Variants in TRIM9 observed in about 807,000 individuals in gnomAD.
The protein encoded by TRIM9 is E3 ubiquitin-protein ligase TRIM9.
In TRIM9, 26 loss-of-function variants were observed where a neutral mutation model predicts 78.3. The ratio of observed to expected loss-of-function variants is 0.33; its 90% CI spans 0.24 to 0.46. The LOEUF is 0.46. Ranked by LOEUF, TRIM9 falls within the 20% of genes least tolerant of loss-of-function variation. The pLI is 1.00. For synonymous variants in TRIM9, 398 were observed against 416.5 expected (o/e 0.96, Z 0.54); for missense variants, 787 against 1,036.4 (o/e 0.76, Z 3.30).
chr14:50,992,487 C>A (rs1279026871), intron 7 of TRIM9, among the ~76,000 whole-genome samples: 2 of 151,738 alleles, frequency 1.3e-5, no homozygotes, highest in Non-Finnish European at 2.9e-5. Flanking sequence ...GCAGGAGGAT[C>A]ACTTGAGCCC....
At position 51,084,456 on chromosome 14, in the gene TRIM9, T is replaced by C. The variant is rs113154711; in HGVS notation, c.822+9662A>G. The stretch of plus-strand genomic sequence containing the variant: ...GACACAAGGTAGTGTGTAAACATCA[T>C]TCAGCTTCATACTGCATTGATTATG... On this transcript the variant is annotated intron_variant, in intron 1 of 12. Transcript: ENST00000684578. Among the ~76,000 whole-genome samples the C allele has an allele frequency of 9.4e-4, 143 of 152,350 alleles. 1 individual carries two copies. Among genetic ancestry groups the C allele is most frequent in the African/African-American group, 3.2e-3 (134 of 41,578 alleles).
At chr14:51,053,466 C>G (rs1303615087) in intron 1 of TRIM9, among the ~76,000 whole-genome samples, 2 of 145,656 alleles carry the variant, frequency 1.4e-5, no homozygotes, top group Non-Finnish European at 1.5e-5. Flanking sequence ...GAGAATGTCT[C>G]AGACACACAA....
chr14:51,061,494 A>T (rs1425492270), intron 1 of TRIM9, among the ~76,000 whole-genome samples: 2 of 151,460 alleles, frequency 1.3e-5, no homozygotes, highest in Non-Finnish European at 2.9e-5. Flanking sequence ...TGATACATGT[A>T]CAATTTTTTC....
chr14:50,977,222 C>A lies in TRIM9; in HGVS notation c.*69G>T. The A allele has an allele frequency of 7.5e-7, 1 of 1,330,384 alleles. No homozygotes were observed. The highest frequency in any genetic ancestry group is 2.8e-5 in the Admixed American group (1 of 36,088). The allele number at this position is 1,330,384 out of a possible 1,614,324, so 82.4% of individuals were successfully genotyped here. A position where few individuals can be genotyped will look rare whatever the true frequency, so the allele number is the denominator to read the frequency against. On this transcript the variant is annotated 3_prime_UTR_variant, in exon 13 of 13. Transcript: ENST00000684578. ...CAACTCTGCACCCCACCACGGCTGG[C>A]TGAGCTCCTTGCTGTGGCTCTCGCA...
At chr14:50,994,619 G>A (rs1179603668) in intron 7 of TRIM9, among the ~76,000 whole-genome samples, 1 of 152,206 alleles carries the variant, frequency 6.6e-6, no homozygotes, top group Non-Finnish European at 1.5e-5. Flanking sequence ...GTCCTATCCT[G>A]TTCTCAGCCC....
intron 3 of TRIM9, among the ~76,000 whole-genome samples, chr14:51,011,377 A>G (rs2056564301): frequency 6.6e-6 from 1 of 152,172 alleles, no homozygotes; most frequent in African/African-American, 2.4e-5. Flanking sequence ...TTATTTCCAA[A>G]GATGGGGTCC....
At chr14:51,038,703 A>C (rs1447897193) in intron 1 of TRIM9, among the ~76,000 whole-genome samples, 1 of 152,250 alleles carries the variant, frequency 6.6e-6, no homozygotes, top group African/African-American at 2.4e-5. Flanking sequence ...CACCTGATGA[A>C]CTAGGAATTC....
intron 7 of TRIM9, among the ~76,000 whole-genome samples, chr14:50,989,023 C>T (rs1388378878): frequency 6.6e-6 from 1 of 152,180 alleles, no homozygotes; most frequent in Non-Finnish European, 1.5e-5. Flanking sequence ...GCTCCACTCT[C>T]CAATTGTAGC....
intron 1 of TRIM9, among the ~76,000 whole-genome samples, chr14:51,070,603 A>G (rs367781796): frequency 3.3e-5 from 5 of 152,036 alleles, no homozygotes; most frequent in East Asian, 1.9e-4. Context: ...AAATGCTTCA[A>G]TGAGCATTAT....
chr14:50,983,048 T>A, intron 9 of TRIM9, 83 bp from the exon 10 acceptor site: 1 of 1,318,030 alleles, frequency 7.6e-7, no homozygotes, highest in Non-Finnish European at 1.1e-6. Context: ...TCTCTCTTGA[T>A]AGACTAGTAC....
intron 1 of TRIM9, among the ~76,000 whole-genome samples, chr14:51,052,595 T>C (rs2060521633): frequency 6.6e-6 from 1 of 152,248 alleles, no homozygotes; most frequent in African/African-American, 2.4e-5. Flanking sequence ...TTTCATCTTT[T>C]CAATGATATG....
chr14:51,034,532 C>T (rs573320666), intron 1 of TRIM9, among the ~76,000 whole-genome samples: 1 of 152,276 alleles, frequency 6.6e-6, no homozygotes, highest in African/African-American at 2.4e-5. Context: ...ATTGACCACT[C>T]AGAAGGGCAT....
At chr14:51,005,106 T>A (rs1427084785) in intron 5 of TRIM9, among the ~76,000 whole-genome samples, 1 of 152,178 alleles carries the variant, frequency 6.6e-6, no homozygotes, top group Non-Finnish European at 1.5e-5. Context: ...CGGTACACTG[T>A]TAAAGATAAC....
At chr14:51,003,868 G>A (rs4901071) in intron 5 of TRIM9, among the ~76,000 whole-genome samples, 129,216 of 152,232 alleles carry the variant, frequency 0.85, 55,115 homozygotes, top group African/African-American at 0.89. Context: ...TATAAAAGGT[G>A]AATGTGCCAA....
chr14:51,052,207 T>C (rs4609754), intron 1 of TRIM9, among the ~76,000 whole-genome samples: 19,988 of 152,164 alleles, frequency 0.13, 1,488 homozygotes, highest in Middle Eastern at 0.2. Flanking sequence ...TCTCAATATA[T>C]ATTTTTCCAA....
chr14:51,034,053 C>T (rs1049656636), intron 1 of TRIM9, among the ~76,000 whole-genome samples: 3 of 151,996 alleles, frequency 2.0e-5, no homozygotes, highest in Non-Finnish European at 2.9e-5. Flanking sequence ...ACTGGTAATC[C>T]ATGACTTTTC....
At chr14:51,064,498 T>C (rs1254626815) in intron 1 of TRIM9, among the ~76,000 whole-genome samples, 1 of 123,326 alleles carries the variant, frequency 8.1e-6, no homozygotes, top group Non-Finnish European at 1.8e-5. Flanking sequence ...ATATAAAGAA[T>C]CAAAAGTTAA....
chr14:50,997,609 G>A lies in TRIM9; in HGVS notation c.1603+441C>T, dbSNP rs1421047619. ...CATTCAGTCATACAAATCCACGACT[G>A]GAAAGAACCTAGGTCCCACCCTCAG... On this transcript the variant is annotated intron_variant, in intron 7 of 12. Coordinates refer to ENST00000684578, the MANE Select transcript of TRIM9 (RefSeq NM_001387360.1). 5 of 1,011,840 alleles carry A rather than the reference G, an allele frequency of 4.9e-6. No homozygotes were observed. In the African/African-American group the frequency reaches 6.8e-5, roughly 14 times the overall value. 62.7% of individuals were successfully genotyped at this position (1,011,840 alleles called of 1,614,324 possible). A position where few individuals can be genotyped will look rare whatever the true frequency, so the allele number is the denominator to read the frequency against.
Position 51,095,053 on chromosome 14 carries a change from G to T in TRIM9, c.-114C>A. The stretch of plus-strand genomic sequence containing the variant: ...GGCCAGCGGCGGCGGCTGTGGTGGT[G>T]GTGCCTTCCCGCGCAGCACTGGCAC... On this transcript the variant is annotated 5_prime_UTR_variant, in exon 1 of 13. Coordinates refer to ENST00000684578, the MANE Select transcript of TRIM9 (RefSeq NM_001387360.1). 1.4e-6 allele frequency: 1 copy of T among 729,488 alleles called. No homozygotes were observed. The highest frequency in any genetic ancestry group is 2.0e-6 in the Non-Finnish European group (1 of 509,486). 45.2% of individuals were successfully genotyped at this position (729,488 alleles called of 1,614,324 possible). A position where few individuals can be genotyped will look rare whatever the true frequency, so the allele number is the denominator to read the frequency against.
Sources: gnomAD v4.1 joint callset for allele counts (sites outside exome capture counted in the v4.1 genomes callset) on GRCh38, gnomAD v4.1.1 for gene constraint, MANE v1.5 for transcripts, NCBI Gene and HGNC (gene_info 2026-07-23, HGNC 2026-07-21) for gene names.